The following TRPV4 variants were observed in gnomAD, a reference collection of about 807,000 sequenced individuals.
TRPV4 encodes transient receptor potential cation channel subfamily V member 4.
Under a neutral mutation model 84.1 loss-of-function variants are expected in TRPV4, and 58 were observed. That is an observed-to-expected ratio of 0.69 (90% CI 0.56 to 0.86). TRPV4 has a LOEUF of 0.86. Ranked by LOEUF, TRPV4 falls within the 40% of genes least tolerant of loss-of-function variation. TRPV4 has a pLI of 0.00. For synonymous variants in TRPV4, 489 were observed against 500.9 expected, an observed-to-expected ratio of 0.98 and a Z score of 0.32; for missense variants, 879 against 1,181.1, an observed-to-expected ratio of 0.74 and a Z score of 3.75.
chr12:109,803,393 G>C (rs1890932950), intron 3 of TRPV4, among the ~76,000 whole-genome samples: 1 of 152,208 alleles, frequency 6.6e-6, no homozygotes, highest in African/African-American at 2.4e-5. Flanking sequence ...TCAGCCTACA[G>C]ATTGGTATTT....
chr12:109,811,019 G>A (rs1365518028), intron 2 of TRPV4, among the ~76,000 whole-genome samples: 4 of 152,226 alleles, frequency 2.6e-5, no homozygotes, highest in East Asian at 3.9e-4. Flanking sequence ...ATTCCTTGGC[G>A]ACATCTGCAG....
rs553971940 is a variant in TRPV4 at position 109,788,493 on chromosome 12, G to A, written c.2115C>T (p.Leu705=). The A allele has an allele frequency of 6.2e-7, 1 of 1,614,270 alleles. No individual in the cohort carries two copies. Among genetic ancestry groups the A allele is most frequent in the East Asian group, 2.2e-5 (1 of 44,888 alleles). ...GCATGTTGAGGAGCAGCACAAAGGT[G>A]AGGATGATGTAGGTCACCAGCAGGA... The part of the protein sequence containing the change: ...FIILLVTYII[L]TFVLLLNMLI... The change falls in exon 13 of 16, where the codon CTC becomes CTT. Residue 705 remains leucine, a synonymous_variant. Transcript: ENST00000261740.
chr12:109,812,121 T>C (rs572930688), intron 2 of TRPV4, among the ~76,000 whole-genome samples: 1 of 152,142 alleles, frequency 6.6e-6, no homozygotes, highest in South Asian at 2.1e-4. Context: ...TGACAGACAA[T>C]AGAGTCATGC....
intron 2 of TRPV4, among the ~76,000 whole-genome samples, chr12:109,813,440 T>G (rs1267432409): frequency 6.6e-6 from 1 of 151,800 alleles, no homozygotes; most frequent in Non-Finnish European, 1.5e-5. Flanking sequence ...GATGAATGAA[T>G]GGAGAGTTAG....
At chr12:109,807,227 G>T (rs1021653825) in intron 3 of TRPV4, among the ~76,000 whole-genome samples, 4 of 147,004 alleles carry the variant, frequency 2.7e-5, no homozygotes, top group Non-Finnish European at 6.0e-5. Flanking sequence ...AGTGAGCAGA[G>T]ATCATGCCAT....
rs566796723 is a variant in TRPV4 at position 109,797,326 on chromosome 12, G to A, written c.1153-622C>T. Among the ~76,000 whole-genome samples the A allele has an allele frequency of 4.4e-4, 67 of 152,248 alleles. 1 individual carries two copies. In the South Asian group the frequency reaches 0.014, roughly 32 times the overall value. ...ACTATCACACCCAGCTAATATTTTT[G>A]TATTTTTAGTAGAGACGGGGTTTCA... On this transcript the variant is annotated intron_variant, in intron 6 of 15. Coordinates refer to ENST00000261740, the MANE Select transcript of TRPV4 (RefSeq NM_021625.5).
chr12:109,784,674 T>TA (rs1045338400), intron 14 of TRPV4, among the ~76,000 whole-genome samples: 3 of 149,792 alleles, frequency 2.0e-5, no homozygotes, highest in African/African-American at 4.9e-5. Flanking sequence ...TACTAAAAAT[T>TA]AAAAAAAATT....
At chr12:109,816,524 C>T (rs1006137039) in intron 1 of TRPV4, among the ~76,000 whole-genome samples, 1 of 152,100 alleles carries the variant, frequency 6.6e-6, no homozygotes, top group Non-Finnish European at 1.5e-5. Flanking sequence ...ACGCCTGTAA[C>T]CCCAGCACTT....
intron 7 of TRPV4, among the ~76,000 whole-genome samples, chr12:109,794,738 C>T (rs975067535): frequency 2.0e-5 from 3 of 152,222 alleles, no homozygotes; most frequent in South Asian, 4.1e-4. Flanking sequence ...TATTTTCAGG[C>T]CGGCCGCAGT....
intron 4 of TRPV4, among the ~76,000 whole-genome samples, chr12:109,801,336 T>A (rs1342294384): frequency 1.3e-5 from 2 of 152,332 alleles, no homozygotes; most frequent in East Asian, 3.9e-4. Flanking sequence ...CCATGTATCA[T>A]GGGAGGGACC....
At chr12:109,827,880 ACACACAGACACACATACG>A (rs1370737848) in intron 1 of TRPV4, among the ~76,000 whole-genome samples, 1 of 152,080 alleles carries the variant, frequency 6.6e-6, no homozygotes, top group Non-Finnish European at 1.5e-5. Context: ...ATACACATAC[ACACACAGACACACATACG>A]CACATACACA....
At position 109,793,918 on chromosome 12, in the gene TRPV4, C is replaced by T. The variant is rs375908611; in HGVS notation, c.1584+12G>A. On this transcript the variant is annotated intron_variant, in intron 9 of 15. Coordinates refer to ENST00000261740, the MANE Select transcript of TRPV4 (RefSeq NM_021625.5). This position sits in a 1 kb window ranked among gnomAD's most constrained non-coding sequence, Gnocchi z 4.0. ...GCAGGCAGGGTGGGGGGCACGGGGGCCAGGCACTTACGTTGGTGAAGAAGA... is the reference window on the plus strand; with the variant it reads ...GCAGGCAGGGTGGGGGGCACGGGGGTCAGGCACTTACGTTGGTGAAGAAGA... The T allele has an allele frequency of 2.5e-6, 4 of 1,600,206 alleles. No homozygotes were observed. Among genetic ancestry groups the T allele is most frequent in the Non-Finnish European group, 3.4e-6 (4 of 1,173,288 alleles).
chr12:109,812,436 G>T (rs1891577780), intron 2 of TRPV4, among the ~76,000 whole-genome samples: 1 of 152,254 alleles, frequency 6.6e-6, no homozygotes, highest in Non-Finnish European at 1.5e-5. Flanking sequence ...GGCCAGGAAT[G>T]GAGGTGATGA....
At chr12:109,790,618 C>T (rs957724197) in intron 12 of TRPV4, among the ~76,000 whole-genome samples, 6 of 152,102 alleles carry the variant, frequency 3.9e-5, no homozygotes, top group African/African-American at 9.7e-5. Flanking sequence ...TGCAGTGGCT[C>T]GCGCCTATAA....
chr12:109,785,689 G>T (rs1157873406), intron 14 of TRPV4, among the ~76,000 whole-genome samples: 1 of 150,870 alleles, frequency 6.6e-6, no homozygotes, highest in African/African-American at 2.4e-5. Context: ...AAAGTGCTGG[G>T]ATTACAAGCA....
At chr12:109,812,373 T>C (rs1891572623) in intron 2 of TRPV4, among the ~76,000 whole-genome samples, 1 of 152,108 alleles carries the variant, frequency 6.6e-6, no homozygotes, top group East Asian at 1.9e-4. Context: ...GGAAAGAAGG[T>C]TGAATGCCTT....
chr12:109,783,827 A>C lies in TRPV4; in HGVS notation c.2459-49T>G. 1 of 1,600,116 alleles carries C rather than the reference A, an allele frequency of 6.2e-7. No individual in the cohort carries two copies. Among genetic ancestry groups the C allele is most frequent in the Non-Finnish European group, 8.5e-7 (1 of 1,177,304 alleles). ...GAGGGGTGGGGGTTGGTGGAGAGAGAGCGTGCGTATATTGAGTGCCTACTG... is the reference window on the plus strand; with the variant it reads ...GAGGGGTGGGGGTTGGTGGAGAGAGCGCGTGCGTATATTGAGTGCCTACTG... On this transcript the variant is annotated intron_variant, in intron 15 of 15. Transcript: ENST00000261740. This position sits in a 1 kb window ranked among gnomAD's most constrained non-coding sequence, Gnocchi z 4.6.
At chr12:109,820,050 C>T (rs1292932124) in intron 1 of TRPV4, among the ~76,000 whole-genome samples, 1 of 152,174 alleles carries the variant, frequency 6.6e-6, no homozygotes, top group South Asian at 2.1e-4. Flanking sequence ...AAGCCAGCTA[C>T]CTATTTATTC....
Position 109,796,446 on chromosome 12 carries a change from A to C in TRPV4, c.1332+79T>G, listed in dbSNP as rs937246789. 1.1e-5 allele frequency: 17 copies of C among 1,540,248 alleles called. No homozygotes were observed. The highest frequency in any genetic ancestry group is 4.7e-5 in the East Asian group (2 of 42,724). ...CCTAGAGGCTGGGGCTGTCTCCCCC[A>C]GCCCAGCCCCAGGGCCCTGTCCCTA... On this transcript the variant is annotated intron_variant, in intron 7 of 15. Coordinates refer to ENST00000261740, the MANE Select transcript of TRPV4 (RefSeq NM_021625.5). The surrounding 1 kb of genome is among the most constrained non-coding windows in gnomAD (Gnocchi z 4.2).
Sources: allele counts gnomAD v4.1 joint callset (sites outside exome capture counted in the v4.1 genomes callset), GRCh38; gene constraint gnomAD v4.1.1; non-coding constraint Gnocchi (gnomAD v3.1); transcripts MANE v1.5; gene names NCBI Gene and HGNC (gene_info 2026-07-23, HGNC 2026-07-21).